ZNF385D: variants seen among roughly 807,000 people sequenced by gnomAD.
ZNF385D encodes zinc finger protein 659.
ZNF385D carries 15 observed loss-of-function variants against 35.8 expected under a neutral mutation model. The ratio of observed to expected loss-of-function variants is 0.42; its 90% CI spans 0.28 to 0.64. The LOEUF (loss-of-function observed/expected upper bound fraction) is 0.64, where lower values mean the gene tolerates loss of function less well. Ranked by LOEUF, ZNF385D falls within the 30% of genes least tolerant of loss-of-function variation. ZNF385D has a pLI of 0.23. For missense variants in ZNF385D, 474 were observed against 494.6 expected, an observed-to-expected ratio of 0.96 and a Z score of 0.39; for synonymous variants, 212 against 186.8, an observed-to-expected ratio of 1.13 and a Z score of -1.10.
chr3:22,303,706 A>G (rs986225188), intron 2 of ZNF385D, among the ~76,000 whole-genome samples: 1 of 150,916 alleles, frequency 6.6e-6, no homozygotes, highest in African/African-American at 2.4e-5. Flanking sequence ...TGTTTAATGT[A>G]AAAAATCATA....
At chr3:21,444,132 T>TAC (rs1166029763) in intron 4 of ZNF385D, among the ~76,000 whole-genome samples, 1 of 146,216 alleles carries the variant, frequency 6.8e-6, no homozygotes. Context: ...CAGGCTGGAG[T>TAC]ACAGTTGCAC....
chr3:21,662,783 A>G (rs2066278572), intron 2 of ZNF385D, among the ~76,000 whole-genome samples: 2 of 152,216 alleles, frequency 1.3e-5, no homozygotes, highest in Non-Finnish European at 2.9e-5. Flanking sequence ...TGGAGGAAAA[A>G]GAATCAAGTC....
At chr3:22,018,220 C>T (rs925244069) in intron 3 of ZNF385D, among the ~76,000 whole-genome samples, 5 of 150,976 alleles carry the variant, frequency 3.3e-5, no homozygotes, top group Non-Finnish European at 7.4e-5. Flanking sequence ...ATAAATATGA[C>T]TGTCTAAGAG....
At chr3:22,227,662 G>A (rs999848871) in intron 2 of ZNF385D, among the ~76,000 whole-genome samples, 2 of 152,070 alleles carry the variant, frequency 1.3e-5, no homozygotes, top group Non-Finnish European at 2.9e-5. Context: ...GCACCTCTCC[G>A]TAAGACATGC....
intron 3 of ZNF385D, among the ~76,000 whole-genome samples, chr3:22,139,191 G>T (rs1435638086): frequency 6.6e-6 from 1 of 152,124 alleles, no homozygotes; most frequent in East Asian, 1.9e-4. Context: ...TTCAACCATT[G>T]TGGAAGTCGG....
chr3:22,308,168 G>C (rs1184567853), intron 2 of ZNF385D, among the ~76,000 whole-genome samples: 1 of 151,820 alleles, frequency 6.6e-6, no homozygotes, highest in African/African-American at 2.4e-5. Flanking sequence ...AAAGCACAAA[G>C]ACAATCTACT....
intron 2 of ZNF385D, among the ~76,000 whole-genome samples, chr3:21,583,158 T>TATATAAACTACA (rs1452608998): frequency 6.6e-6 from 1 of 152,176 alleles, no homozygotes; most frequent in South Asian, 2.1e-4. Flanking sequence ...GGTGGCTTCC[T>TATATAAACTACA]ATATAAACTA....
intron 4 of ZNF385D, among the ~76,000 whole-genome samples, chr3:21,440,865 T>A (rs1331572530): frequency 6.6e-6 from 1 of 152,126 alleles, no homozygotes; most frequent in Non-Finnish European, 1.5e-5. Flanking sequence ...TTCTTAATTT[T>A]TAGATAGAGA....
chr3:21,815,544 A>G (rs533901912), intron 3 of ZNF385D, among the ~76,000 whole-genome samples: 1 of 152,378 alleles, frequency 6.6e-6, no homozygotes, highest in South Asian at 2.1e-4. Context: ...AGAGAATACT[A>G]TAAACACCTC....
intron 3 of ZNF385D, among the ~76,000 whole-genome samples, chr3:22,075,621 A>C (rs769105228): frequency 1.9e-4 from 29 of 151,816 alleles, no homozygotes; most frequent in Non-Finnish European, 3.4e-4. Context: ...TTAAACTACT[A>C]AAGTTTAAAG....
intron 1 of ZNF385D, among the ~76,000 whole-genome samples, chr3:21,723,214 G>A (rs1201291348): frequency 6.6e-6 from 1 of 152,148 alleles, no homozygotes; most frequent in Non-Finnish European, 1.5e-5. Flanking sequence ...CAAAAAGGGT[G>A]AAAATTCCAA....
rs74368975 is a variant in ZNF385D at position 21,966,297 on chromosome 3, C to T, written c.325+202520G>A. ...TAAAGCTTGTATTTTGTTTGGAAAA[C>T]AAACTGAACTGGTAGTAAATTTTAA... On this transcript the variant is annotated intron_variant, in intron 3 of 5. Coordinates refer to the ZNF385D transcript ENST00000494108. 9.2e-3 allele frequency among the ~76,000 whole-genome samples: 1,405 copies of T among 152,204 alleles called. 22 individuals carry two copies. Among genetic ancestry groups the T allele is most frequent in the African/African-American group, 0.032 (1,312 of 41,530 alleles).
intron 3 of ZNF385D, among the ~76,000 whole-genome samples, chr3:21,867,126 G>A (rs1359855617): frequency 6.6e-6 from 1 of 152,020 alleles, no homozygotes; most frequent in Non-Finnish European, 1.5e-5. Context: ...TTAGAAGGGA[G>A]GGGGGCAAAA....
intron 3 of ZNF385D, among the ~76,000 whole-genome samples, chr3:21,870,471 T>C (rs1332434218): frequency 6.6e-6 from 1 of 152,180 alleles, no homozygotes; most frequent in Admixed American, 6.5e-5. Context: ...TTGCGGCTAC[T>C]TATCTTCAAC....
chr3:21,766,758 A>C (rs1312003165), intron 3 of ZNF385D, among the ~76,000 whole-genome samples: 1 of 152,080 alleles, frequency 6.6e-6, no homozygotes, highest in African/African-American at 2.4e-5. Context: ...GAATAAGAGG[A>C]TATAATTAGT....
At chr3:21,756,508 A>G (rs2070347757) in intron 3 of ZNF385D, among the ~76,000 whole-genome samples, 1 of 152,092 alleles carries the variant, frequency 6.6e-6, no homozygotes, top group Non-Finnish European at 1.5e-5. Context: ...CTGGAGCTCA[A>G]AGGAGATGTT....
chr3:22,281,559 A>G (rs1262575967), intron 2 of ZNF385D, among the ~76,000 whole-genome samples: 1 of 152,018 alleles, frequency 6.6e-6, no homozygotes, highest in East Asian at 1.9e-4. Context: ...TGGATGTTAA[A>G]CCATCCCTGC....
At chr3:22,340,763 G>A (rs1346872207) in intron 2 of ZNF385D, among the ~76,000 whole-genome samples, 1 of 152,168 alleles carries the variant, frequency 6.6e-6, no homozygotes, top group Non-Finnish European at 1.5e-5. Context: ...TGTATGACCA[G>A]CATAAGTAAT....
intron 3 of ZNF385D, among the ~76,000 whole-genome samples, chr3:21,963,775 G>A (rs942097326): frequency 6.6e-6 from 1 of 152,084 alleles, no homozygotes; most frequent in Non-Finnish European, 1.5e-5. Flanking sequence ...GATTAAAAAT[G>A]TATGTATGCC....
Sources: allele counts gnomAD v4.1 joint callset (sites outside exome capture counted in the v4.1 genomes callset), GRCh38; gene constraint gnomAD v4.1.1; transcripts MANE v1.5; gene names NCBI Gene and HGNC (gene_info 2026-07-23, HGNC 2026-07-21).